Variants in C2CD3 observed in about 807,000 individuals in gnomAD.
C2CD3 encodes C2 domain-containing protein 3.
In C2CD3, 148 loss-of-function variants were observed where a neutral mutation model predicts 234.0. The observed-to-expected ratio is 0.63, with a 90% CI of 0.55 to 0.72. The LOEUF (loss-of-function observed/expected upper bound fraction) is 0.72, where lower values mean the gene tolerates loss of function less well. C2CD3 is among the 30% of genes least tolerant of loss of function. C2CD3 has a pLI of 0.00. For missense variants in C2CD3, 2,577 were observed against 2,811.5 expected (o/e 0.92, Z 1.89); for synonymous variants, 1,000 against 1,035.4 (o/e 0.97, Z 0.66).
intron 32 of C2CD3, among the ~76,000 whole-genome samples, chr11:74,023,068 C>A (rs2135403887): frequency 6.6e-6 from 1 of 152,372 alleles, no homozygotes; most frequent in South Asian, 2.1e-4. Context: ...GCTCCTGTAT[C>A]CACTCTACTG....
chr11:74,123,834 G>A (rs1957309604), intron 7 of C2CD3, among the ~76,000 whole-genome samples: 1 of 150,844 alleles, frequency 6.6e-6, no homozygotes, highest in African/African-American at 2.5e-5. Flanking sequence ...TGCCTCCTGG[G>A]TTCAAGTGAT....
At chr11:74,120,576 C>A (rs1482713019) in intron 8 of C2CD3, among the ~76,000 whole-genome samples, 3 of 152,102 alleles carry the variant, frequency 2.0e-5, no homozygotes, top group East Asian at 1.9e-4. Flanking sequence ...TGAATAGTGC[C>A]GCAATAAACA....
At chr11:74,116,688 C>T (rs1384405977) in intron 9 of C2CD3, among the ~76,000 whole-genome samples, 1 of 151,428 alleles carries the variant, frequency 6.6e-6, no homozygotes, top group African/African-American at 2.4e-5. Flanking sequence ...ATGCTTATAG[C>T]AGCACAATTT....
At chr11:74,026,101 A>G (rs1299740521) in intron 32 of C2CD3, among the ~76,000 whole-genome samples, 1 of 152,190 alleles carries the variant, frequency 6.6e-6, no homozygotes, top group African/African-American at 2.4e-5. Context: ...CAAACCTGAT[A>G]AAAACTGAGA....
intron 29 of C2CD3, among the ~76,000 whole-genome samples, chr11:74,040,908 GCA>G (rs148961390): frequency 0.1 from 14,439 of 144,548 alleles, 1,912 homozygotes; most frequent in African/African-American, 0.31. Context: ...ACACACACAC[GCA>G]CACACACACA....
intron 9 of C2CD3, among the ~76,000 whole-genome samples, chr11:74,115,824 A>T (rs1272720799): frequency 6.6e-6 from 1 of 152,204 alleles, no homozygotes; most frequent in African/African-American, 2.4e-5. Flanking sequence ...AAAGCCAAAT[A>T]CTTATAGCCA....
intron 7 of C2CD3, among the ~76,000 whole-genome samples, chr11:74,132,019 A>G (rs1957695549): frequency 6.6e-6 from 1 of 152,220 alleles, no homozygotes; most frequent in South Asian, 2.1e-4. Context: ...GGCACATGTT[A>G]TTCACAATGT....
At chr11:74,052,552 T>C (rs1251396366) in intron 26 of C2CD3, among the ~76,000 whole-genome samples, 1 of 152,240 alleles carries the variant, frequency 6.6e-6, no homozygotes, top group Non-Finnish European at 1.5e-5. Context: ...AACCCTGGTC[T>C]GCTTCAGAAT....
intron 3 of C2CD3, among the ~76,000 whole-genome samples, chr11:74,146,576 G>A (rs1212710837): frequency 6.6e-6 from 1 of 152,152 alleles, no homozygotes. Context: ...AAAGGATGAT[G>A]ATCCTGAAAT....
chr11:74,133,062 C>A, intron 6 of C2CD3, 90 bp from the exon 7 acceptor site: 2 of 1,277,620 alleles, frequency 1.6e-6, no homozygotes, highest in South Asian at 1.3e-5. Context: ...GCTGGTCTGA[C>A]TCAGAAAATT....
At chr11:74,072,902 A>C (rs1017802543) in intron 24 of C2CD3, among the ~76,000 whole-genome samples, 1 of 152,122 alleles carries the variant, frequency 6.6e-6, no homozygotes. Flanking sequence ...TGTGTGACAT[A>C]TGATATGATA....
chr11:74,074,614 G>A lies in C2CD3; in HGVS notation c.4604-14C>T. On this transcript the variant is annotated splice_polypyrimidine_tract_variant and intron_variant, in intron 23 of 32. Transcript: ENST00000334126. ...GAGGATACACACCTAAAAGAAGATG[G>A]AGAAGAATAAGGCTAGTCAAGCAGG... 1 of 1,594,700 alleles carries A rather than the reference G, an allele frequency of 6.3e-7. No homozygotes were observed. The highest frequency in any genetic ancestry group is 8.6e-7 in the Non-Finnish European group (1 of 1,168,762).
rs1338024739 is a variant in C2CD3 at position 74,013,357 on chromosome 11, C to T, written c.*28G>A. ...AAGCTGACGGAGGGTGGGCAGGTGTCTCCTTCCCCCCAGCCCCTCAGGCTG... is the reference window on the plus strand; with the variant it reads ...AAGCTGACGGAGGGTGGGCAGGTGTTTCCTTCCCCCCAGCCCCTCAGGCTG... On this transcript the variant is annotated 3_prime_UTR_variant, in exon 33 of 33. Coordinates refer to ENST00000334126, the MANE Select transcript of C2CD3 (RefSeq NM_001286577.2). The T allele has an allele frequency of 1.6e-5, 12 of 751,544 alleles. No homozygotes were observed. Among genetic ancestry groups the T allele is most frequent in the Non-Finnish European group, 1.8e-5 (9 of 514,008 alleles). The allele number at this position is 751,544 out of a possible 1,614,324, so 46.6% of individuals were successfully genotyped here.
At position 74,113,775 on chromosome 11, in the gene C2CD3, C is replaced by T; in HGVS notation, c.1843+5G>A. 6.5e-7 allele frequency: 1 copy of T among 1,543,982 alleles called. No homozygotes were observed. Among genetic ancestry groups the T allele is most frequent in the South Asian group, 1.1e-5 (1 of 89,672 alleles). On this transcript the variant is annotated splice_donor_5th_base_variant and intron_variant, in intron 11 of 32. Coordinates refer to ENST00000334126, the MANE Select transcript of C2CD3 (RefSeq NM_001286577.2). ...TAAGGTGCAGAAAACCAGTGTGTCT[C>T]TTACTTCCATCTGTAATTTTACTGG...
chr11:74,048,674 G>C (rs1389168518), intron 27 of C2CD3, among the ~76,000 whole-genome samples: 3 of 152,184 alleles, frequency 2.0e-5, no homozygotes, highest in Non-Finnish European at 4.4e-5. Flanking sequence ...ATCTGGCTGT[G>C]AAATTTCTTG....
At chr11:74,118,613 C>A (rs959937563) in intron 8 of C2CD3, among the ~76,000 whole-genome samples, 9 of 152,086 alleles carry the variant, frequency 5.9e-5, no homozygotes, top group Non-Finnish European at 1.0e-4. Flanking sequence ...AAGGTAGATT[C>A]TTCTTTCAAA....
intron 3 of C2CD3, among the ~76,000 whole-genome samples, chr11:74,154,357 G>A (rs1855871082): frequency 6.6e-6 from 1 of 151,964 alleles, no homozygotes; most frequent in South Asian, 2.1e-4. Flanking sequence ...TATATTCAGG[G>A]CAACTTAAAT....
rs1318015258 is a variant in C2CD3 at position 74,074,428 on chromosome 11, G to T, written c.4776C>A (p.Val1592=). Residue 1592 remains valine, a synonymous_variant, in exon 24 of 33, where the codon GTC becomes GTA. Coordinates refer to ENST00000334126, the MANE Select transcript of C2CD3 (RefSeq NM_001286577.2). ...AGATGACTTCTGGTGGAGAGAGCTG[G>T]ACCTCATCATTCCTTCTGGGGAGCT... ...SEQLPRRNDE[V]QLSPPEVISC... The T allele has an allele frequency of 6.2e-7, 1 of 1,614,094 alleles. No homozygotes were observed. Among genetic ancestry groups the T allele is most frequent in the Non-Finnish European group, 8.5e-7 (1 of 1,180,046 alleles).
At chr11:74,144,517 G>C (rs1332334165) in intron 3 of C2CD3, among the ~76,000 whole-genome samples, 1 of 152,072 alleles carries the variant, frequency 6.6e-6, no homozygotes, top group African/African-American at 2.4e-5. Flanking sequence ...CTCATGACGT[G>C]GGGGTCTGGT....
Sources: allele counts gnomAD v4.1 joint callset (sites outside exome capture counted in the v4.1 genomes callset), GRCh38; gene constraint gnomAD v4.1.1; transcripts MANE v1.5; gene names NCBI Gene and HGNC (gene_info 2026-07-23, HGNC 2026-07-21).